LRP1B: variants seen among roughly 807,000 people sequenced by gnomAD.
The protein encoded by LRP1B is low-density lipoprotein receptor-related protein 1B.
LRP1B carries 217 observed loss-of-function variants against 556.6 expected under a neutral mutation model. The ratio of observed to expected loss-of-function variants is 0.39; its 90% CI spans 0.35 to 0.44. LRP1B has a LOEUF of 0.44. Ranked by LOEUF, LRP1B falls within the 20% of genes least tolerant of loss-of-function variation. The pLI is 1.00. For synonymous variants in LRP1B, 2,047 were observed against 1,865.8 expected (o/e 1.10, Z -2.50); for missense variants, 5,053 against 5,620.8 (o/e 0.90, Z 3.23).
intron 2 of LRP1B, among the ~76,000 whole-genome samples, chr2:141,498,305 T>C (rs1380123088): frequency 2.6e-5 from 4 of 151,436 alleles, no homozygotes; most frequent in African/African-American, 9.7e-5. Context: ...CCTTGTACTA[T>C]GTACAAAGTT....
chr2:140,849,247 C>G, intron 29 of LRP1B, among the ~76,000 whole-genome samples: 1 of 145,804 alleles, frequency 6.9e-6, no homozygotes, highest in Non-Finnish European at 1.5e-5. Context: ...GTGGTGGGTG[C>G]CTGTAATCCC....
intron 1 of LRP1B, among the ~76,000 whole-genome samples, chr2:142,046,321 T>G (rs1704258318): frequency 6.6e-6 from 1 of 151,924 alleles, no homozygotes; most frequent in Non-Finnish European, 1.5e-5. Context: ...TCATTCCAGT[T>G]CCAGCATTTG....
At chr2:141,115,419 T>C (rs908929128) in intron 7 of LRP1B, among the ~76,000 whole-genome samples, 3 of 151,462 alleles carry the variant, frequency 2.0e-5, no homozygotes, top group African/African-American at 7.3e-5. Flanking sequence ...TCCAATTCAC[T>C]TAAATAGGAC....
chr2:140,526,184 C>A (rs1690424975), intron 48 of LRP1B, 53 bp downstream of exon 48: 6 of 1,535,114 alleles, frequency 3.9e-6, no homozygotes, highest in Non-Finnish European at 5.4e-6. Context: ...GTGTTCAATG[C>A]AATGCCAAAA....
Position 140,525,908 on chromosome 2 carries a change from C to T in LRP1B, c.7962G>A (p.Leu2654=), listed in dbSNP as rs1446193549. The T allele has an allele frequency of 3.7e-6, 6 of 1,612,254 alleles. No individual in the cohort carries two copies. The highest frequency in any genetic ancestry group is 5.1e-6 in the Non-Finnish European group (6 of 1,178,910). ...IRCNSTSLCV[L]PTWICDGSND... ...TAGACCCGTCGCATATCCAGGTTGG[C>T]AGAACACACAGTGAGGTAGAATTAC... Residue 2654 remains leucine (L), a synonymous_variant, in exon 49 of 91, where the codon CTG becomes CTA. Transcript: ENST00000389484.
chr2:141,915,052 A>G (rs1699995568), intron 1 of LRP1B, among the ~76,000 whole-genome samples: 1 of 152,192 alleles, frequency 6.6e-6, no homozygotes, highest in Non-Finnish European at 1.5e-5. Context: ...AGCAATCCCA[A>G]GCAAAAAGAA....
At chr2:141,219,266 T>C (rs1020938794) in intron 6 of LRP1B, among the ~76,000 whole-genome samples, 2 of 152,156 alleles carry the variant, frequency 1.3e-5, no homozygotes, top group African/African-American at 4.8e-5. Flanking sequence ...ACTGCTGGTG[T>C]TGGGGAGATC....
rs115174852 is a variant in LRP1B, at chr2:140,871,008, T to C, written c.4170-2745A>G. ...TGTTTATAAACATAGTAATTACATATGCTAAAAGAGTATGGCAAAAAGGGA... is the reference window on the plus strand; with the variant it reads ...TGTTTATAAACATAGTAATTACATACGCTAAAAGAGTATGGCAAAAAGGGA... On this transcript the variant is annotated intron_variant, in intron 25 of 90. Coordinates refer to ENST00000389484, the MANE Select transcript of LRP1B (RefSeq NM_018557.3). Among the ~76,000 whole-genome samples, 1,200 of 152,244 alleles carry C rather than the reference T, an allele frequency of 7.9e-3. 18 individuals carry two copies. The highest frequency in any genetic ancestry group is 0.027 in the African/African-American group (1,113 of 41,558).
intron 6 of LRP1B, among the ~76,000 whole-genome samples, chr2:141,189,758 C>A (rs1352920689): frequency 6.6e-6 from 1 of 151,902 alleles, no homozygotes; most frequent in Non-Finnish European, 1.5e-5. Flanking sequence ...TTTTAATTAA[C>A]TGGAATTTAA....
chr2:141,464,724 G>A lies in LRP1B; in HGVS notation c.343+15672C>T, dbSNP rs1429769573. The stretch of plus-strand genomic sequence containing the variant: ...TGGGATTACAGGCACGAGCCCCTGC[G>A]CCCGTCCCTTTGCTGTGACTTTTTA... On this transcript the variant is annotated intron_variant, in intron 3 of 90. Transcript: ENST00000389484. 1.5e-4 allele frequency among the ~76,000 whole-genome samples: 22 copies of A among 150,670 alleles called. No homozygotes were observed. In the East Asian group the frequency reaches 1.8e-3, roughly 12 times the overall value.
rs551400418 is a variant in LRP1B at position 141,143,554 on chromosome 2, T to C, written c.1013+44867A>G. 3.3e-5 allele frequency among the ~76,000 whole-genome samples: 5 copies of C among 152,326 alleles called. No homozygotes were observed. In the East Asian group the frequency reaches 7.7e-4, roughly 24 times the overall value. On this transcript the variant is annotated intron_variant, in intron 7 of 90. Transcript: ENST00000389484. ...AATTCCTAGGATCTTATTGGAGTTG[T>C]ATACTGATAAATTCCTAGTATCTTG...
chr2:140,604,630 G>A lies in LRP1B; in HGVS notation c.6800-2991C>T, dbSNP rs796325998. Among the ~76,000 whole-genome samples, 7 of 152,218 alleles carry A rather than the reference G, an allele frequency of 4.6e-5. 1 individual carries two copies. Among genetic ancestry groups the A allele is most frequent in the African/African-American group, 1.7e-4 (7 of 41,550 alleles). ...AGGCAGTGAAGGGTATTATTCATAGGGAGTCACGTCCATTAAACACTGGTA... is the reference window on the plus strand; with the variant it reads ...AGGCAGTGAAGGGTATTATTCATAGAGAGTCACGTCCATTAAACACTGGTA... On this transcript the variant is annotated intron_variant, in intron 41 of 90. Transcript: ENST00000389484.
At chr2:141,486,786 C>G (rs1683136308) in intron 2 of LRP1B, among the ~76,000 whole-genome samples, 1 of 130,958 alleles carries the variant, frequency 7.6e-6, no homozygotes, top group East Asian at 2.3e-4. Context: ...TTCCTTCAAG[C>G]AGTATCCCTT....
intron 2 of LRP1B, among the ~76,000 whole-genome samples, chr2:141,786,086 C>A (rs1014721809): frequency 1.3e-5 from 2 of 151,892 alleles, no homozygotes; most frequent in Non-Finnish European, 2.9e-5. Context: ...TGCCTTTCAT[C>A]TGGCAATGAA....
intron 86 of LRP1B, among the ~76,000 whole-genome samples, chr2:140,250,121 A>G (rs945909849): frequency 1.4e-4 from 21 of 151,822 alleles, no homozygotes; most frequent in Admixed American, 1.3e-3. Context: ...TTAGCCCTGC[A>G]CAACCCTGCT....
intron 32 of LRP1B, among the ~76,000 whole-genome samples, chr2:140,789,196 G>A (rs1161109987): frequency 6.6e-6 from 1 of 152,146 alleles, no homozygotes; most frequent in Non-Finnish European, 1.5e-5. Flanking sequence ...TCCAGTCTGA[G>A]AAGCAAAACG....
At chr2:140,936,630 G>T (rs1248005883) in intron 20 of LRP1B, among the ~76,000 whole-genome samples, 1 of 151,862 alleles carries the variant, frequency 6.6e-6, no homozygotes, top group African/African-American at 2.4e-5. Context: ...AAATATGTGG[G>T]CAATTACAAA....
chr2:140,825,067 T>C (rs1389079904), intron 31 of LRP1B, among the ~76,000 whole-genome samples: 1 of 152,060 alleles, frequency 6.6e-6, no homozygotes, highest in Non-Finnish European at 1.5e-5. Flanking sequence ...AAAATTTAAA[T>C]GATAACAGAG....
At chr2:140,901,156 G>C (rs1694094177) in intron 23 of LRP1B, among the ~76,000 whole-genome samples, 1 of 152,082 alleles carries the variant, frequency 6.6e-6, no homozygotes, top group Non-Finnish European at 1.5e-5. Flanking sequence ...AGGTGGGGGA[G>C]GGCTCCAAGT....
Sources: allele counts gnomAD v4.1 joint callset (sites outside exome capture counted in the v4.1 genomes callset), GRCh38; gene constraint gnomAD v4.1.1; transcripts MANE v1.5; gene names NCBI Gene and HGNC (gene_info 2026-07-23, HGNC 2026-07-21).